Variants in RAB7A observed in about 807,000 individuals in gnomAD.
RAB7A encodes the protein RAB7A, member RAS oncogene family.
A neutral mutation model predicts 24.5 loss-of-function variants in RAB7A; 2 were observed. That is an observed-to-expected ratio of 0.08 (90% CI 0.03 to 0.26). The LOEUF (loss-of-function observed/expected upper bound fraction) is 0.26. Ranked by LOEUF, RAB7A falls within the 10% of genes least tolerant of loss-of-function variation. The pLI, the probability that RAB7A is intolerant of heterozygous loss-of-function variation, is 1.00. For synonymous variants in RAB7A, 100 were observed against 95.9 expected (o/e 1.04, Z -0.25); for missense variants, 118 against 255.7 (o/e 0.46, Z 3.67).
At chr3:128,809,011 G>A (rs940843733) in intron 5 of RAB7A, among the ~76,000 whole-genome samples, 5 of 152,132 alleles carry the variant, frequency 3.3e-5, no homozygotes, top group Non-Finnish European at 7.4e-5. Flanking sequence ...AGACCAAGAT[G>A]CAGACTTGGC....
intron 1 of RAB7A, among the ~76,000 whole-genome samples, chr3:128,750,390 T>C (rs1311939796): frequency 6.6e-6 from 1 of 152,108 alleles, no homozygotes; most frequent in Non-Finnish European, 1.5e-5. Context: ...GCCTCCTGAG[T>C]AGCTGGGATT....
At chr3:128,732,101 A>G (rs373726759) in intron 1 of RAB7A, among the ~76,000 whole-genome samples, 2 of 147,208 alleles carry the variant, frequency 1.4e-5, no homozygotes, top group South Asian at 2.2e-4. Flanking sequence ...GTGCAGTAGC[A>G]TGATCTCGGC....
intron 1 of RAB7A, among the ~76,000 whole-genome samples, chr3:128,735,483 C>T (rs555712575): frequency 3.9e-5 from 6 of 152,188 alleles, no homozygotes; most frequent in Non-Finnish European, 8.8e-5. Context: ...TCAGATAGTA[C>T]CCCAGTTATG....
chr3:128,794,517 G>A (rs1402950804), intron 1 of RAB7A, among the ~76,000 whole-genome samples: 3 of 152,198 alleles, frequency 2.0e-5, no homozygotes, highest in East Asian at 1.9e-4. Flanking sequence ...TCAAAAGGTA[G>A]GTGGTTAAAG....
chr3:128,771,646 G>T (rs1932936620), intron 1 of RAB7A, among the ~76,000 whole-genome samples: 1 of 152,212 alleles, frequency 6.6e-6, no homozygotes, highest in Non-Finnish European at 1.5e-5. Context: ...GCTGAAGGAG[G>T]CCAGATAACT....
At chr3:128,755,396 T>C (rs1324325838) in intron 1 of RAB7A, among the ~76,000 whole-genome samples, 2 of 152,028 alleles carry the variant, frequency 1.3e-5, no homozygotes, top group Non-Finnish European at 2.9e-5. Context: ...AATGCCTTCA[T>C]TAAAAAAAGG....
At chr3:128,741,793 C>T (rs1039543253) in intron 1 of RAB7A, among the ~76,000 whole-genome samples, 1 of 152,200 alleles carries the variant, frequency 6.6e-6, no homozygotes, top group Non-Finnish European at 1.5e-5. Context: ...TACATACACG[C>T]ATACATATAC....
chr3:128,774,028 T>C (rs912027415), intron 1 of RAB7A, among the ~76,000 whole-genome samples: 1 of 147,410 alleles, frequency 6.8e-6, no homozygotes, highest in African/African-American at 2.5e-5. Context: ...ACTATTGTCC[T>C]ATGACCCTGC....
At chr3:128,729,932 C>T (rs534509636) in intron 1 of RAB7A, among the ~76,000 whole-genome samples, 1 of 152,246 alleles carries the variant, frequency 6.6e-6, no homozygotes, top group East Asian at 1.9e-4. Flanking sequence ...GACTGAAACT[C>T]GAGAAATGAA....
chr3:128,734,399 G>A (rs1294356132), intron 1 of RAB7A, among the ~76,000 whole-genome samples: 1 of 148,168 alleles, frequency 6.7e-6, no homozygotes, highest in Non-Finnish European at 1.5e-5. Flanking sequence ...CTGGGAGGTG[G>A]AGCTGAGATT....
At chr3:128,765,053 G>A (rs1385389060) in intron 1 of RAB7A, 21 of 1,220,478 alleles carry the variant, frequency 1.7e-5, no homozygotes, top group South Asian at 2.5e-5. Context: ...CGGTGGCTGC[G>A]CGGCGCTGGA....
intron 1 of RAB7A, among the ~76,000 whole-genome samples, chr3:128,774,328 T>G (rs538675858): frequency 6.6e-6 from 1 of 152,046 alleles, no homozygotes; most frequent in East Asian, 1.9e-4. Context: ...ATGGCCAAAA[T>G]TTTTGATTCC....
At chr3:128,750,762 G>A (rs1024676181) in intron 1 of RAB7A, among the ~76,000 whole-genome samples, 2 of 152,224 alleles carry the variant, frequency 1.3e-5, no homozygotes, top group Admixed American at 6.5e-5. Flanking sequence ...TAACTCCCAA[G>A]ACAATGGGGA....
intron 1 of RAB7A, among the ~76,000 whole-genome samples, chr3:128,758,311 C>T (rs1363986868): frequency 2.9e-5 from 4 of 139,938 alleles, no homozygotes; most frequent in East Asian, 2.1e-4. Flanking sequence ...CTGGCTCTGT[C>T]GCCCAGGCTG....
At position 128,797,803 on chromosome 3, in the gene RAB7A, G is replaced by T. The variant is rs763746568; in HGVS notation, c.54-140G>T. The T allele has an allele frequency of 1.7e-4, 155 of 896,834 alleles. 1 individual carries two copies. Among genetic ancestry groups the T allele is most frequent in the Non-Finnish European group, 2.5e-4 (137 of 548,452 alleles). 55.6% of individuals were successfully genotyped at this position (896,834 alleles called of 1,614,324 possible). ...ACTTCAAAAGTGTAATGCTCGGAAG[G>T]CTACTGGCATTGCCCTTTGCTGTGA... On this transcript the variant is annotated intron_variant, in intron 2 of 5. Transcript: ENST00000265062.
chr3:128,806,600 A>G lies in RAB7A; in HGVS notation c.399+10A>G. 1 of 1,608,008 alleles carries G rather than the reference A, an allele frequency of 6.2e-7. No homozygotes were observed. The highest frequency in any genetic ancestry group is 1.3e-5 in the African/African-American group (1 of 74,940). On this transcript the variant is annotated intron_variant, in intron 4 of 5. Coordinates refer to ENST00000265062, the MANE Select transcript of RAB7A (RefSeq NM_004637.6). ...CCTCGAAAACAGACAAGTAAGTACCAACGATGATAGATATTGTCACAGACA... is the reference window on the plus strand; with the variant it reads ...CCTCGAAAACAGACAAGTAAGTACCGACGATGATAGATATTGTCACAGACA...
At chr3:128,729,977 C>T (rs1354352552) in intron 1 of RAB7A, among the ~76,000 whole-genome samples, 1 of 152,140 alleles carries the variant, frequency 6.6e-6, no homozygotes, top group Non-Finnish European at 1.5e-5. Flanking sequence ...TGGCTATTGG[C>T]TTGCTGTTGA....
At chr3:128,791,394 GC>G (rs1183843453) in intron 1 of RAB7A, among the ~76,000 whole-genome samples, 2 of 152,128 alleles carry the variant, frequency 1.3e-5, no homozygotes, top group Admixed American at 1.3e-4. Flanking sequence ...ACCTTCCTTG[GC>G]CTCCCAAAGT....
At chr3:128,753,203 CAT>C (rs1173020309) in intron 1 of RAB7A, among the ~76,000 whole-genome samples, 2 of 152,118 alleles carry the variant, frequency 1.3e-5, no homozygotes, top group African/African-American at 4.8e-5. Flanking sequence ...GAAATATTGT[CAT>C]ATGCAGCAAC....
Sources: gnomAD v4.1 joint callset for allele counts (sites outside exome capture counted in the v4.1 genomes callset) on GRCh38, gnomAD v4.1.1 for gene constraint, MANE v1.5 for transcripts, NCBI Gene and HGNC (gene_info 2026-07-23, HGNC 2026-07-21) for gene names.